Variants in LRP2 observed in about 807,000 individuals in gnomAD.
The protein encoded by LRP2 is LDL receptor related protein 2.
In LRP2, 172 loss-of-function variants were observed where a neutral mutation model predicts 531.0. The observed-to-expected ratio is 0.32, with a 90% confidence interval of 0.29 to 0.37. The LOEUF (loss-of-function observed/expected upper bound fraction) is 0.37, where lower values mean the gene tolerates loss of function less well. Ranked by LOEUF, LRP2 falls within the 10% of genes least tolerant of loss-of-function variation. The pLI, the probability that LRP2 is intolerant of heterozygous loss-of-function variation, is 1.00. For missense variants in LRP2, 5,167 were observed against 5,868.3 expected, an observed-to-expected ratio of 0.88 and a Z score of 3.90; for synonymous variants, 1,992 against 2,027.6, an observed-to-expected ratio of 0.98 and a Z score of 0.47.
At chr2:169,169,652 A>G (rs1421101571) in intron 60 of LRP2, 50 bp downstream of exon 60, 5 of 1,404,838 alleles carry the variant, frequency 3.6e-6, no homozygotes, top group East Asian at 4.6e-5. Flanking sequence ...CTAAACTATC[A>G]TATCCATGCT....
intron 1 of LRP2, among the ~76,000 whole-genome samples, chr2:169,345,707 G>A (rs1376241705): frequency 1.1e-4 from 16 of 151,148 alleles, no homozygotes; most frequent in East Asian, 3.9e-4. Flanking sequence ...TAGAAAAATG[G>A]AGGTTTGACC....
chr2:169,169,865 A>G (rs921473352), intron 59 of LRP2, 47 bp from the exon 60 acceptor site: 1 of 1,299,354 alleles, frequency 7.7e-7, no homozygotes, highest in Non-Finnish European at 1.1e-6. Context: ...TCATTTTCAG[A>G]CAGATATTAG....
chr2:169,296,074 T>C (rs955429332), intron 4 of LRP2, among the ~76,000 whole-genome samples: 6 of 152,058 alleles, frequency 3.9e-5, no homozygotes, highest in African/African-American at 9.7e-5. Context: ...CACAAAATTC[T>C]GTGCTGAAAC....
At chr2:169,151,165 C>A in intron 67 of LRP2, 139 bp from the exon 68 acceptor site, 1 of 898,982 alleles carries the variant, frequency 1.1e-6, no homozygotes. Flanking sequence ...TAGTCCCCCT[C>A]TCTTGGGGGA....
chr2:169,199,316 G>T (rs1027447166), intron 44 of LRP2, among the ~76,000 whole-genome samples: 6 of 152,174 alleles, frequency 3.9e-5, no homozygotes, highest in Non-Finnish European at 8.8e-5. Context: ...ATTGTTAATA[G>T]TAAGAAAGCA....
intron 70 of LRP2, 97 bp from the exon 71 acceptor site, chr2:169,142,890 T>C: frequency 7.2e-7 from 1 of 1,379,508 alleles, no homozygotes; most frequent in South Asian, 1.2e-5. Flanking sequence ...CAGCAGAGCC[T>C]AGGCATCCTC....
chr2:169,243,656 A>C (rs1433928679), intron 22 of LRP2, 134 bp from the exon 23 acceptor site: 1 of 1,021,838 alleles, frequency 9.8e-7, no homozygotes, highest in Non-Finnish European at 1.5e-6. Context: ...TGAATCAGCC[A>C]CACTATCAAA....
Position 169,307,402 on chromosome 2 carries a change from G to T in LRP2, c.311-5C>A, listed in dbSNP as rs750888655. On this transcript the variant is annotated splice_region_variant and splice_polypyrimidine_tract_variant and intron_variant, in intron 3 of 78. Transcript: ENST00000649046. ...GACTTGAGCATGTACTTTGTGCTGC[G>T]AAGAGAAAAAATTATTACTTAATTT... The T allele has an allele frequency of 2.6e-6, 4 of 1,524,476 alleles. No individual in the cohort carries two copies. The highest frequency in any genetic ancestry group is 3.6e-6 in the Non-Finnish European group (4 of 1,098,564). 94.4% of individuals were successfully genotyped at this position (1,524,476 alleles called of 1,614,324 possible).
intron 50 of LRP2, among the ~76,000 whole-genome samples, chr2:169,183,976 T>G (rs1394117556): frequency 6.6e-6 from 1 of 152,134 alleles, no homozygotes; most frequent in South Asian, 2.1e-4. Flanking sequence ...TGCACCCTCC[T>G]GGACTTTCAA....
intron 1 of LRP2, among the ~76,000 whole-genome samples, chr2:169,328,451 AAAAAAAAAAAAAAG>A (rs1281332850): frequency 1.1e-4 from 15 of 135,966 alleles, no homozygotes; most frequent in Admixed American, 9.4e-4. Flanking sequence ...TAAAAAAAAA[AAAAAAAAAAAAAAG>A]AAAAAAAAAG....
At chr2:169,268,584 G>C (rs1403525016) in intron 16 of LRP2, among the ~76,000 whole-genome samples, 1 of 152,128 alleles carries the variant, frequency 6.6e-6, no homozygotes, top group African/African-American at 2.4e-5. Flanking sequence ...AATAAACTAG[G>C]TATTGATGGG....
chr2:169,193,491 GTT>G (rs1340822882), intron 47 of LRP2, among the ~76,000 whole-genome samples: 1 of 147,692 alleles, frequency 6.8e-6, no homozygotes, highest in African/African-American at 2.5e-5. Context: ...GTATTTGTGG[GTT>G]TTTTTTTTCC....
chr2:169,174,656 A>G (rs557619100), intron 55 of LRP2, among the ~76,000 whole-genome samples: 1 of 152,020 alleles, frequency 6.6e-6, no homozygotes, highest in South Asian at 2.1e-4. Context: ...TTACAGGCAC[A>G]TGCCACCATG....
chr2:169,254,653 A>AAAAAAAAAAAAAAAAAAAG (rs1690230257), intron 19 of LRP2, among the ~76,000 whole-genome samples: 1 of 142,554 alleles, frequency 7.0e-6, no homozygotes, highest in Non-Finnish European at 1.5e-5. Flanking sequence ...TAAAAAAAAA[A>AAAAAAAAAAAAAAAAAAAG]AAAAACAGCA....
chr2:169,158,957 C>T (rs1686466239), intron 63 of LRP2, among the ~76,000 whole-genome samples: 1 of 152,108 alleles, frequency 6.6e-6, no homozygotes, highest in Non-Finnish European at 1.5e-5. Context: ...ACACTTTACC[C>T]TAACACTTCA....
rs1559077808 is a variant in LRP2 at position 169,327,883 on chromosome 2, TG to T, written c.80-7000del. Among the ~76,000 whole-genome samples, 5 of 45,474 alleles carry T rather than the reference TG, an allele frequency of 1.1e-4. 2 individuals are homozygous for T. The highest frequency in any genetic ancestry group is 2.2e-4 in the African/African-American group (2 of 9,116). The allele number at this position is 45,474 out of a possible 152,430, so 29.8% of individuals were successfully genotyped here. A position where few individuals can be genotyped will look rare whatever the true frequency, so the allele number is the denominator to read the frequency against. ...CAGCCGCCCCGTCCGGGAAGGGAGG[TG>T]GGGGGGTCAGCCCCCCGCCCGGCCA... is the stretch of plus-strand genomic sequence containing the variant. On this transcript the variant is annotated intron_variant, in intron 1 of 78. Transcript: ENST00000649046.
intron 32 of LRP2, among the ~76,000 whole-genome samples, chr2:169,225,927 G>A (rs1689185404): frequency 6.6e-6 from 1 of 152,178 alleles, no homozygotes; most frequent in Admixed American, 6.5e-5. Flanking sequence ...TACCCTAGAG[G>A]CAAATATTCT....
chr2:169,311,845 G>T (rs989450742), intron 3 of LRP2, among the ~76,000 whole-genome samples: 3 of 152,136 alleles, frequency 2.0e-5, no homozygotes, highest in African/African-American at 7.2e-5. Flanking sequence ...AAGTGTCTTT[G>T]TAGGTCTCTA....
chr2:169,192,854 T>C (rs1244441404), intron 47 of LRP2, among the ~76,000 whole-genome samples: 1 of 152,082 alleles, frequency 6.6e-6, no homozygotes, highest in Non-Finnish European at 1.5e-5. Flanking sequence ...ATAGGGTAAA[T>C]GTGGAGTTGT....
Sources: allele counts gnomAD v4.1 joint callset (sites outside exome capture counted in the v4.1 genomes callset), GRCh38; gene constraint gnomAD v4.1.1; transcripts MANE v1.5; gene names NCBI Gene and HGNC (gene_info 2026-07-23, HGNC 2026-07-21).